DPYSL2: variants seen among roughly 807,000 people sequenced by gnomAD.
DPYSL2 encodes dihydropyrimidinase-related protein 2.
Under a neutral mutation model 69.9 loss-of-function variants are expected in DPYSL2, and 13 were observed. The ratio of observed to expected loss-of-function variants is 0.19; its 90% CI spans 0.12 to 0.30. The LOEUF is 0.30. Ranked by LOEUF, DPYSL2 falls within the 10% of genes least tolerant of loss-of-function variation. The probability of loss-of-function intolerance (pLI) is 1.00; values close to 1 mark genes in which losing one functional copy is unlikely to be tolerated. For missense variants in DPYSL2, 587 were observed against 918.9 expected (o/e 0.64, Z 4.67); for synonymous variants, 326 against 359.1 (o/e 0.91, Z 1.04).
chr8:26,537,635 A>ACACACACACACACACACAC (rs1242479473), intron 1 of DPYSL2, among the ~76,000 whole-genome samples: 1 of 24,516 alleles, frequency 4.1e-5, no homozygotes, highest in African/African-American at 7.5e-5. Context: ...CACACACACA[A>ACACACACACACACACACAC]CTGTATATTT....
chr8:26,618,132 GGGCATGTTCCT>G (rs1802396571), intron 3 of DPYSL2, among the ~76,000 whole-genome samples: 1 of 152,024 alleles, frequency 6.6e-6, no homozygotes, highest in Admixed American at 6.5e-5. Flanking sequence ...CACTGTCCTG[GGGCATGTTCCT>G]GGCTCTCATA....
intron 1 of DPYSL2, among the ~76,000 whole-genome samples, chr8:26,576,766 C>T (rs1290784278): frequency 6.6e-6 from 1 of 152,258 alleles, no homozygotes; most frequent in African/African-American, 2.4e-5. Flanking sequence ...ATAAACTCTT[C>T]CTTTCTTGCT....
chr8:26,577,214 C>T (rs1014812574), intron 1 of DPYSL2: 1 of 424,644 alleles, frequency 2.4e-6, no homozygotes, highest in Non-Finnish European at 4.7e-6. Flanking sequence ...TGCAGCCTCC[C>T]CCCGGCCCGC....
In DPYSL2 at chr8:26,650,651, C is replaced by T. The variant is rs568330730; in HGVS notation, c.1597-1606C>T. 2.0e-5 allele frequency among the ~76,000 whole-genome samples: 3 copies of T among 152,288 alleles called. No homozygotes were observed. Among genetic ancestry groups the T allele is most frequent in the African/African-American group, 7.2e-5 (3 of 41,576 alleles). ...ACGATGAAAGAAAACATGCCCAAGA[C>T]GAGGAGTCTCATAGGAGACTGGGCC... On this transcript the variant is annotated intron_variant, in intron 11 of 13. Coordinates refer to ENST00000521913, the MANE Select transcript of DPYSL2 (RefSeq NM_001197293.3). This position sits in a 1 kb window ranked among gnomAD's most constrained non-coding sequence, Gnocchi z 5.3.
At chr8:26,521,145 T>C (rs1808377145) in intron 1 of DPYSL2, among the ~76,000 whole-genome samples, 1 of 152,218 alleles carries the variant, frequency 6.6e-6, no homozygotes, top group Non-Finnish European at 1.5e-5. Flanking sequence ...TGATGGACAC[T>C]TGATTTAGTT....
intron 3 of DPYSL2, among the ~76,000 whole-genome samples, chr8:26,601,525 C>T (rs1801992738): frequency 6.6e-6 from 1 of 152,074 alleles, no homozygotes. Context: ...CTACAGGTGC[C>T]CGCCAACATG....
intron 1 of DPYSL2, among the ~76,000 whole-genome samples, chr8:26,561,210 G>GAAGTA (rs992569724): frequency 2.6e-5 from 4 of 152,082 alleles, no homozygotes; most frequent in African/African-American, 9.7e-5. Context: ...CTGCTTTCTT[G>GAAGTA]AAGTACTCTC....
intron 3 of DPYSL2, among the ~76,000 whole-genome samples, chr8:26,590,361 G>T (rs1029955364): frequency 1.3e-4 from 20 of 152,218 alleles, no homozygotes; most frequent in African/African-American, 4.8e-4. Flanking sequence ...TTCTCCTAAG[G>T]ACACGGGTGC....
intron 1 of DPYSL2, among the ~76,000 whole-genome samples, chr8:26,530,608 A>G (rs1800491035): frequency 6.6e-6 from 1 of 152,142 alleles, no homozygotes; most frequent in Non-Finnish European, 1.5e-5. Flanking sequence ...ATCACCAGTC[A>G]TTTCTTTGTC....
chr8:26,590,717 T>C (rs574816558), intron 3 of DPYSL2, among the ~76,000 whole-genome samples: 2 of 152,320 alleles, frequency 1.3e-5, no homozygotes, highest in African/African-American at 4.8e-5. Flanking sequence ...CTTGGCATAG[T>C]TTGGGCCGAT....
intron 1 of DPYSL2, among the ~76,000 whole-genome samples, chr8:26,546,862 A>T (rs1041796875): frequency 1.6e-5 from 2 of 126,656 alleles, no homozygotes; most frequent in African/African-American, 5.9e-5. Flanking sequence ...CGGAGCTTGC[A>T]GTGAGCCGAG....
Position 26,640,015 on chromosome 8 carries a change from T to C in DPYSL2, c.1127-3424T>C, listed in dbSNP as rs1306255476. ...AAATTCTTGGAAAGGCAAAGGAGAA[T>C]GGTGAGAGCGTGTGTAACTGTCTGT... is the stretch of plus-strand genomic sequence containing the variant. On this transcript the variant is annotated intron_variant, in intron 8 of 13. Coordinates refer to ENST00000521913, the MANE Select transcript of DPYSL2 (RefSeq NM_001197293.3). This position sits in a 1 kb window ranked among gnomAD's most constrained non-coding sequence, Gnocchi z 4.2. Among the ~76,000 whole-genome samples, 1 of 152,202 alleles carries C rather than the reference T, an allele frequency of 6.6e-6. No individual in the cohort carries two copies. Among genetic ancestry groups the C allele is most frequent in the Non-Finnish European group, 1.5e-5 (1 of 68,042 alleles).
intron 1 of DPYSL2, among the ~76,000 whole-genome samples, chr8:26,550,817 C>G (rs1303327219): frequency 6.6e-6 from 1 of 152,186 alleles, no homozygotes; most frequent in African/African-American, 2.4e-5. Flanking sequence ...TGGTATAACT[C>G]TCAGGCTGAA....
intron 3 of DPYSL2, among the ~76,000 whole-genome samples, chr8:26,590,178 G>A (rs528191839): frequency 6.6e-6 from 1 of 152,238 alleles, no homozygotes; most frequent in African/African-American, 2.4e-5. Flanking sequence ...TTACAAAAAC[G>A]CCCGACCACA....
intron 1 of DPYSL2, among the ~76,000 whole-genome samples, chr8:26,558,550 C>A (rs1356708820): frequency 1.3e-5 from 2 of 152,180 alleles, no homozygotes; most frequent in African/African-American, 4.8e-5. Flanking sequence ...ATGGAATATA[C>A]AAACTCCCAA....
chr8:26,646,204 GT>G (rs35346128), intron 10 of DPYSL2, among the ~76,000 whole-genome samples: 51,292 of 148,096 alleles, frequency 0.35, 10,580 homozygotes, highest in African/African-American at 0.58. Flanking sequence ...GTTGTTTCTG[GT>G]TTTTTTTTTT....
At chr8:26,651,186 T>G (rs974391229) in intron 11 of DPYSL2, among the ~76,000 whole-genome samples, 4 of 152,232 alleles carry the variant, frequency 2.6e-5, no homozygotes, top group Admixed American at 6.5e-5. Context: ...CAGAGCAATG[T>G]ACTGACAGCC....
At position 26,617,090 on chromosome 8, in the gene DPYSL2, C is replaced by T. The variant is rs2129874695; in HGVS notation, c.629-7053C>T. ...TACAAAGGGCCCCTTGAGACCTTGT[C>T]AGAAATACTGCCAGCCTAGCCCTTT... is the stretch of plus-strand genomic sequence containing the variant. On this transcript the variant is annotated intron_variant, in intron 3 of 13. Transcript: ENST00000521913. The surrounding 1 kb of genome is among the most constrained non-coding windows in gnomAD (Gnocchi z 4.7). 6.6e-6 allele frequency among the ~76,000 whole-genome samples: 1 copy of T among 152,294 alleles called. No individual in the cohort carries two copies. The highest frequency in any genetic ancestry group is 6.5e-5 in the Admixed American group (1 of 15,294).
intron 11 of DPYSL2, among the ~76,000 whole-genome samples, chr8:26,649,818 G>A (rs1803247006): frequency 6.6e-6 from 1 of 152,212 alleles, no homozygotes; most frequent in Non-Finnish European, 1.5e-5. Context: ...CATGGTGAGT[G>A]AGGAAGCCTC....
Sources: allele counts gnomAD v4.1 joint callset (sites outside exome capture counted in the v4.1 genomes callset), GRCh38; gene constraint gnomAD v4.1.1; non-coding constraint Gnocchi (gnomAD v3.1); transcripts MANE v1.5; gene names NCBI Gene and HGNC (gene_info 2026-07-23, HGNC 2026-07-21).